Variants in PXK observed in about 807,000 individuals in gnomAD.
The protein encoded by PXK is PX domain-containing protein kinase-like protein.
Under a neutral mutation model 84.7 loss-of-function variants are expected in PXK, and 35 were observed. The ratio of observed to expected loss-of-function variants is 0.41; its 90% CI spans 0.32 to 0.55. PXK has a LOEUF of 0.55. Among genes scored for constraint, PXK ranks in the 20% least tolerant of loss-of-function variants. The pLI is 0.21. For synonymous variants in PXK, 253 were observed against 260.8 expected, an observed-to-expected ratio of 0.97 and a Z score of 0.29; for missense variants, 634 against 699.7, an observed-to-expected ratio of 0.91 and a Z score of 1.06.
At chr3:58,361,187 T>G (rs1345657288) in intron 1 of PXK, among the ~76,000 whole-genome samples, 1 of 149,910 alleles carries the variant, frequency 6.7e-6, no homozygotes, top group East Asian at 2.0e-4. Context: ...TCCCAGCTAC[T>G]CGAGAGGCTG....
chr3:58,349,859 A>C (rs796420242), intron 1 of PXK, among the ~76,000 whole-genome samples: 11 of 152,276 alleles, frequency 7.2e-5, no homozygotes, highest in African/African-American at 2.4e-4. Flanking sequence ...TGCTCTCTTC[A>C]AACTGCTGAA....
intron 2 of PXK, among the ~76,000 whole-genome samples, chr3:58,368,516 T>G (rs1482178990): frequency 6.6e-6 from 1 of 151,484 alleles, no homozygotes; most frequent in Non-Finnish European, 1.5e-5. Flanking sequence ...AGAGACGGGT[T>G]TCGCCACATT....
Position 58,399,182 on chromosome 3 carries a change from GAC to G in PXK, c.1103-114_1103-113del, listed in dbSNP as rs2058184440. ...CATCTGTCTGTGTGTGAAGATTTTT[GAC>G]ACTGTCCTGATCAGCCCGCAGACAG... is the stretch of plus-strand genomic sequence containing the variant. On this transcript the variant is annotated intron_variant, in intron 11 of 17. Transcript: ENST00000356151. The surrounding 1 kb of genome is among the most constrained non-coding windows in gnomAD (Gnocchi z 4.3). 1 of 849,702 alleles carries G rather than the reference GAC, an allele frequency of 1.2e-6. No individual in the cohort carries two copies. Among genetic ancestry groups the G allele is most frequent in the East Asian group, 2.6e-5 (1 of 37,980 alleles). 52.6% of individuals were successfully genotyped at this position (849,702 alleles called of 1,614,324 possible).
chr3:58,332,956 C>G lies in PXK; in HGVS notation c.-33C>G. The G allele has an allele frequency of 7.6e-7, 1 of 1,312,848 alleles. No homozygotes were observed. The highest frequency in any genetic ancestry group is 9.9e-7 in the Non-Finnish European group (1 of 1,010,038). 81.3% of individuals were successfully genotyped at this position (1,312,848 alleles called of 1,614,324 possible). On this transcript the variant is annotated 5_prime_UTR_variant, in exon 1 of 18. Coordinates refer to ENST00000356151, the MANE Select transcript of PXK (RefSeq NM_017771.5). The surrounding 1 kb of genome is among the most constrained non-coding windows in gnomAD (Gnocchi z 5.6). ...GTCGGCGCCTCGGGTTCCTACCTCGCGTCCCTAGGCGGCGGCGGCCGGGCG... is the reference window on the plus strand; with the variant it reads ...GTCGGCGCCTCGGGTTCCTACCTCGGGTCCCTAGGCGGCGGCGGCCGGGCG...
intron 6 of PXK, among the ~76,000 whole-genome samples, chr3:58,391,472 C>G (rs1346271229): frequency 1.4e-5 from 2 of 146,352 alleles, no homozygotes; most frequent in Non-Finnish European, 3.0e-5. Flanking sequence ...TCTGGAATCT[C>G]TTTAGGGTTT....
chr3:58,392,453 T>G (rs2098640490), intron 7 of PXK, among the ~76,000 whole-genome samples: 2 of 152,206 alleles, frequency 1.3e-5, no homozygotes, highest in African/African-American at 4.8e-5. Flanking sequence ...TGCATGAAGA[T>G]GTAGTTCCCT....
At chr3:58,362,534 A>G (rs1272982098) in intron 1 of PXK, among the ~76,000 whole-genome samples, 1 of 152,216 alleles carries the variant, frequency 6.6e-6, no homozygotes, top group Non-Finnish European at 1.5e-5. Flanking sequence ...AAAGGCTATC[A>G]TTCCTCTATT....
intron 3 of PXK, among the ~76,000 whole-genome samples, chr3:58,374,223 G>T (rs1159049943): frequency 1.9e-4 from 28 of 146,514 alleles, no homozygotes; most frequent in Admixed American, 1.1e-3. Flanking sequence ...AGGCTGGAGT[G>T]CAGTGAGCCG....
intron 1 of PXK, among the ~76,000 whole-genome samples, chr3:58,340,842 G>T (rs963536867): frequency 6.6e-6 from 1 of 152,116 alleles, no homozygotes; most frequent in African/African-American, 2.4e-5. Context: ...TTTTGGGGTA[G>T]CGTCATAGGA....
chr3:58,419,622 C>T (rs772388460), intron 17 of PXK, among the ~76,000 whole-genome samples: 6 of 152,172 alleles, frequency 3.9e-5, no homozygotes, highest in Non-Finnish European at 7.4e-5. Context: ...GGTATGATGG[C>T]TTGCTTTGGG....
At chr3:58,368,910 G>A (rs891681639) in intron 2 of PXK, among the ~76,000 whole-genome samples, 1 of 152,200 alleles carries the variant, frequency 6.6e-6, no homozygotes, top group African/African-American at 2.4e-5. Context: ...TGGACTGTCT[G>A]TCAAGAGGGG....
At position 58,407,996 on chromosome 3, in the gene PXK, A is replaced by G. The variant is rs1401185100; in HGVS notation, c.1231-928A>G. Among the ~76,000 whole-genome samples the G allele has an allele frequency of 6.6e-6, 1 of 152,084 alleles. No individual in the cohort carries two copies. ...GTGTCTTTTCTTTTAGGAGTTTTATAGTTTTAGGTCTTATGTTTAGGTTTT... is the reference window on the plus strand; with the variant it reads ...GTGTCTTTTCTTTTAGGAGTTTTATGGTTTTAGGTCTTATGTTTAGGTTTT... On this transcript the variant is annotated intron_variant, in intron 13 of 17. Coordinates refer to ENST00000356151, the MANE Select transcript of PXK (RefSeq NM_017771.5). This position sits in a 1 kb window ranked among gnomAD's most constrained non-coding sequence, Gnocchi z 4.3.
chr3:58,409,581 A>G lies in PXK; in HGVS notation c.1358A>G (p.Glu453Gly). ...LTRAQSHHGS[E>G]EERKKRKILA... Reference sequence around the variant, plus strand: ...AGAGCTCAGTCCCACCATGGATCTGAGGAGGAAAGAAAAAAAAGAAAGATT... The same window carrying G: ...AGAGCTCAGTCCCACCATGGATCTGGGGAGGAAAGAAAAAAAAGAAAGATT... Residue 453 changes from glutamate (E) to glycine (G), a missense_variant, in exon 15 of 18, where the codon GAG becomes GGG. Transcript: ENST00000356151. The surrounding 1 kb of genome is among the most constrained non-coding windows in gnomAD (Gnocchi z 4.2). 6.2e-7 allele frequency: 1 copy of G among 1,613,106 alleles called. No individual in the cohort carries two copies. Among genetic ancestry groups the G allele is most frequent in the Non-Finnish European group, 8.5e-7 (1 of 1,179,820 alleles).
intron 7 of PXK, 131 bp downstream of exon 7, chr3:58,391,978 G>A: frequency 1.3e-6 from 1 of 768,690 alleles, no homozygotes; most frequent in Non-Finnish European, 2.2e-6. Context: ...GACTGAAATT[G>A]TGTAGGGCTA....
chr3:58,356,716 G>A (rs1395950124), intron 1 of PXK, among the ~76,000 whole-genome samples: 5 of 151,604 alleles, frequency 3.3e-5, no homozygotes, highest in South Asian at 2.1e-4. Flanking sequence ...TGATCCTCCT[G>A]CCTAAGCCTC....
chr3:58,348,938 C>T lies in PXK; in HGVS notation c.102+15848C>T, dbSNP rs115827936. Among the ~76,000 whole-genome samples, 56 of 151,340 alleles carry T rather than the reference C, an allele frequency of 3.7e-4. 1 individual carries two copies. The highest frequency in any genetic ancestry group is 1.4e-3 in the African/African-American group (56 of 41,192). ...ACTTTTTTTTAATTAATATGTTTTGCATTCCTCTTGTCATAAAAGTATTTG... is the reference window on the plus strand; with the variant it reads ...ACTTTTTTTTAATTAATATGTTTTGTATTCCTCTTGTCATAAAAGTATTTG... On this transcript the variant is annotated intron_variant, in intron 1 of 17. Coordinates refer to ENST00000356151, the MANE Select transcript of PXK (RefSeq NM_017771.5).
In PXK at chr3:58,364,841, G is replaced by A. The variant is rs2108416541; in HGVS notation, c.103-1033G>A. On this transcript the variant is annotated intron_variant, in intron 1 of 17. Transcript: ENST00000356151. This position sits in a 1 kb window ranked among gnomAD's most constrained non-coding sequence, Gnocchi z 4.3. ...ATTGATATATGTAGAATCGTTCACAGCATTCCCTTATCCATTTGATATCTG... is the reference window on the plus strand; with the variant it reads ...ATTGATATATGTAGAATCGTTCACAACATTCCCTTATCCATTTGATATCTG... Among the ~76,000 whole-genome samples the A allele has an allele frequency of 6.6e-6, 1 of 152,260 alleles. No individual in the cohort carries two copies. Among genetic ancestry groups the A allele is most frequent in the East Asian group, 1.9e-4 (1 of 5,190 alleles).
intron 1 of PXK, among the ~76,000 whole-genome samples, chr3:58,350,985 C>T (rs2097911683): frequency 6.6e-6 from 1 of 152,148 alleles, no homozygotes; most frequent in Admixed American, 6.5e-5. Flanking sequence ...GCTTCTCTCC[C>T]ACTAAATGCT....
At chr3:58,391,398 A>G (rs928895799) in intron 6 of PXK, among the ~76,000 whole-genome samples, 178 bp downstream of exon 6, 53 of 152,192 alleles carry the variant, frequency 3.5e-4, no homozygotes, top group Admixed American at 7.2e-4. Context: ...GGTTATATAA[A>G]TGCAATTATA....
Sources: allele counts gnomAD v4.1 joint callset (sites outside exome capture counted in the v4.1 genomes callset), GRCh38; gene constraint gnomAD v4.1.1; non-coding constraint Gnocchi (gnomAD v3.1); transcripts MANE v1.5; gene names NCBI Gene and HGNC (gene_info 2026-07-23, HGNC 2026-07-21).